TNRC18: variants seen among roughly 807,000 people sequenced by gnomAD.
The protein encoded by TNRC18 is trinucleotide repeat-containing gene 18 protein.
A neutral mutation model predicts 226.7 loss-of-function variants in TNRC18; 69 were observed. That is an observed-to-expected ratio of 0.30 (90% confidence interval 0.25 to 0.37). The LOEUF is 0.37. TNRC18 is among the 10% of genes least tolerant of loss of function. The pLI, the probability that TNRC18 is intolerant of heterozygous loss-of-function variation, is 1.00. For synonymous variants in TNRC18, 2,449 were observed against 1,927.6 expected, an observed-to-expected ratio of 1.27 and a Z score of -7.09; for missense variants, 4,754 against 4,256.6, an observed-to-expected ratio of 1.12 and a Z score of -3.25.
At chr7:5,420,245 G>A (rs1584141001) in intron 2 of TNRC18, 1 of 367,776 alleles carries the variant, frequency 2.7e-6, no homozygotes, top group South Asian at 1.9e-5. Flanking sequence ...GGACCTTCTC[G>A]GCCACCTCCT....
Position 5,362,759 on chromosome 7 carries a change from A to G in TNRC18, c.4286T>C (p.Leu1429Pro). The G allele has an allele frequency of 6.4e-7, 1 of 1,572,574 alleles. No homozygotes were observed. Among genetic ancestry groups the G allele is most frequent in the Non-Finnish European group, 8.6e-7 (1 of 1,159,590 alleles). The change falls in exon 12 of 30, where the codon CTG (leucine) becomes CCG (proline). Residue 1429 changes from leucine to proline, a missense_variant. Transcript: ENST00000430969. Reference sequence around the variant, plus strand: ...CACGGGCCCATCCAGCACCTCCCTCAGCATGTGGCTGCCAGCTGCCAGCAG... The same window carrying G: ...CACGGGCCCATCCAGCACCTCCCTCGGCATGTGGCTGCCAGCTGCCAGCAG... Reference protein sequence around the residue: ...ESLLAAGSHMLREVLDGPVVD... With the variant: ...ESLLAAGSHMPREVLDGPVVD...
intron 15 of TNRC18, among the ~76,000 whole-genome samples, chr7:5,358,885 G>T (rs116602755): frequency 6.6e-6 from 1 of 152,154 alleles, no homozygotes; most frequent in Non-Finnish European, 1.5e-5. Flanking sequence ...AGGTACATTA[G>T]TATTTACAAA....
At chr7:5,326,236 G>A (rs1406442551) in intron 19 of TNRC18, among the ~76,000 whole-genome samples, 2 of 151,388 alleles carry the variant, frequency 1.3e-5, no homozygotes, top group South Asian at 2.1e-4. Flanking sequence ...ACACAACCAT[G>A]CACACACAGT....
At chr7:5,363,447 C>T (rs993792402) in intron 11 of TNRC18, among the ~76,000 whole-genome samples, 1 of 150,274 alleles carries the variant, frequency 6.7e-6, no homozygotes, top group African/African-American at 2.5e-5. Flanking sequence ...CTAAAAAATA[C>T]AAAAAAATTA....
chr7:5,370,012 T>TA lies in TNRC18; in HGVS notation c.4219+362dup, dbSNP rs200047842. ...GGTTTTTCATAATTTAAAAATCTTATAAAAAAATGTTTAAGAGGCCGGGCA... is the reference window on the plus strand; with the variant it reads ...GGTTTTTCATAATTTAAAAATCTTATAAAAAAAATGTTTAAGAGGCCGGGCA... On this transcript the variant is annotated intron_variant, in intron 11 of 29. Coordinates refer to ENST00000430969, the MANE Select transcript of TNRC18 (RefSeq NM_001080495.3). Among the ~76,000 whole-genome samples the TA allele has an allele frequency of 4.4e-3, 673 of 152,156 alleles. 3 individuals carry two copies. Among genetic ancestry groups the TA allele is most frequent in the Non-Finnish European group, 6.2e-3 (419 of 67,992 alleles).
Position 5,313,810 on chromosome 7 carries a change from G to A in TNRC18, c.7081C>T (p.Pro2361Ser). 1.3e-6 allele frequency: 2 copies of A among 1,514,994 alleles called. No homozygotes were observed. Among genetic ancestry groups the A allele is most frequent in the Non-Finnish European group, 1.8e-6 (2 of 1,132,196 alleles). 93.8% of individuals were successfully genotyped at this position (1,514,994 alleles called of 1,614,324 possible). ...GNPTDEVPST[P>S]LALEPSSTPG... ...GTGCTGCTCGGCTCCAGGGCTAAGG[G>A]GGTACTGGGGACCTCGTCTGTTGGG... Residue 2361 changes from proline to serine, a missense_variant, in exon 27 of 30, where the codon CCC (proline) becomes TCC (serine). Pro to Ser is a moderately conservative substitution (Grantham distance 74). Coordinates refer to ENST00000430969, the MANE Select transcript of TNRC18 (RefSeq NM_001080495.3).
chr7:5,376,749 C>T (rs1214420618), intron 8 of TNRC18, 98 bp downstream of exon 8: 16 of 1,454,640 alleles, frequency 1.1e-5, no homozygotes, highest in South Asian at 6.4e-5. Flanking sequence ...CCAGATCTGC[C>T]GGCCGCCACC....
chr7:5,354,940 T>C (rs544490006), intron 16 of TNRC18, among the ~76,000 whole-genome samples: 1 of 152,334 alleles, frequency 6.6e-6, no homozygotes, highest in African/African-American at 2.4e-5. Flanking sequence ...CTTTTCGCCC[T>C]TGACAGTCAA....
At chr7:5,354,942 G>A (rs937606479) in intron 16 of TNRC18, among the ~76,000 whole-genome samples, 2 of 152,172 alleles carry the variant, frequency 1.3e-5, no homozygotes, top group African/African-American at 4.8e-5. Flanking sequence ...TTTCGCCCTT[G>A]ACAGTCAAAC....
At chr7:5,362,610 T>C in intron 12 of TNRC18, 40 bp downstream of exon 12, 1 of 1,488,110 alleles carries the variant, frequency 6.7e-7, no homozygotes, top group Non-Finnish European at 9.0e-7. Context: ...CCACCCAGCC[T>C]CCCCCGCGGA....
chr7:5,397,153 G>A (rs1780747447), intron 2 of TNRC18, among the ~76,000 whole-genome samples: 1 of 152,128 alleles, frequency 6.6e-6, no homozygotes, highest in Non-Finnish European at 1.5e-5. Context: ...CGGGCCCCGG[G>A]GCCTCGGTGG....
intron 18 of TNRC18, among the ~76,000 whole-genome samples, chr7:5,334,814 G>A (rs1277985616): frequency 1.3e-5 from 2 of 152,140 alleles, no homozygotes; most frequent in Non-Finnish European, 2.9e-5. Context: ...AGACAGAGAG[G>A]AGGCTCACGT....
Position 5,370,613 on chromosome 7 carries a change from G to A in TNRC18, c.3981C>T (p.Ser1327=), listed in dbSNP as rs1437712672. ...CCAGACTGGGCAGGAACTGGTCAGAGCTTGCCTCTTCCAGGAAGCAGGTGC... is the reference window on the plus strand; with the variant it reads ...CCAGACTGGGCAGGAACTGGTCAGAACTTGCCTCTTCCAGGAAGCAGGTGC... ...LGSTCFLEEA[S]SDQFLPSLED... is the part of the protein sequence containing the mutation. The change falls in exon 11 of 30, where the codon AGC becomes AGT. Residue 1327 remains serine, a synonymous_variant. Coordinates refer to ENST00000430969, the MANE Select transcript of TNRC18 (RefSeq NM_001080495.3). The A allele has an allele frequency of 8.7e-6, 14 of 1,613,314 alleles. No homozygotes were observed. Among genetic ancestry groups the A allele is most frequent in the Non-Finnish European group, 1.2e-5 (14 of 1,179,792 alleles).
At chr7:5,408,270 G>C (rs1781609783) in intron 2 of TNRC18, among the ~76,000 whole-genome samples, 1 of 147,956 alleles carries the variant, frequency 6.8e-6, no homozygotes, top group South Asian at 2.1e-4. Flanking sequence ...CTGCACTCCA[G>C]CCTGGCGACA....
At chr7:5,383,957 A>AT (rs765430615) in intron 5 of TNRC18, among the ~76,000 whole-genome samples, 31,067 of 77,982 alleles carry the variant, frequency 0.4, 8,605 homozygotes, top group South Asian at 0.5. Flanking sequence ...TACCCGGGTG[A>AT]TTTTTTTTTT....
chr7:5,348,574 C>A (rs1037469392), intron 17 of TNRC18, among the ~76,000 whole-genome samples: 1 of 151,968 alleles, frequency 6.6e-6, no homozygotes, highest in South Asian at 2.1e-4. Context: ...TTGGAGACAG[C>A]CCGGATTTCT....
chr7:5,314,261 C>T (rs527971725), intron 26 of TNRC18, among the ~76,000 whole-genome samples: 4 of 152,232 alleles, frequency 2.6e-5, no homozygotes, highest in African/African-American at 9.6e-5. Flanking sequence ...TGGACCACTG[C>T]GCCCAGCAGA....
chr7:5,336,952 G>C (rs1422351119), intron 18 of TNRC18, among the ~76,000 whole-genome samples: 1 of 152,154 alleles, frequency 6.6e-6, no homozygotes, highest in Non-Finnish European at 1.5e-5. Flanking sequence ...AAGAAAAAAT[G>C]CTTGAATATT....
chr7:5,313,004 T>A lies in TNRC18; in HGVS notation c.7887A>T (p.Ser2629=), dbSNP rs891390068. ...SSSSSSSSSS[S]SSSSSSSSSS... ...AAGAGGAGGAGGAGGAAGAGGAGGA[T>A]GAGGAGGAGGAGGAGGAGGAGGAGG... Residue 2629 remains serine (S), a synonymous_variant, in exon 27 of 30, where the codon TCA becomes TCT. Coordinates refer to ENST00000430969, the MANE Select transcript of TNRC18 (RefSeq NM_001080495.3). 10 of 748,230 alleles carry A rather than the reference T, an allele frequency of 1.3e-5. No individual in the cohort carries two copies. The highest frequency in any genetic ancestry group is 3.2e-5 in the East Asian group (1 of 31,318). 46.3% of individuals were successfully genotyped at this position (748,230 alleles called of 1,614,324 possible).
Sources: gnomAD v4.1 joint callset for allele counts (sites outside exome capture counted in the v4.1 genomes callset) on GRCh38, gnomAD v4.1.1 for gene constraint, MANE v1.5 for transcripts, NCBI Gene and HGNC (gene_info 2026-07-23, HGNC 2026-07-21) for gene names.